Variants in FLVCR2 observed in about 807,000 individuals in gnomAD.
FLVCR2 encodes FLVCR choline and putative heme transporter 2.
Under a neutral mutation model 48.9 loss-of-function variants are expected in FLVCR2, and 38 were observed. That is an observed-to-expected ratio of 0.78 (90% CI 0.60 to 1.02). The LOEUF (loss-of-function observed/expected upper bound fraction) is 1.02, where lower values mean the gene tolerates loss of function less well. FLVCR2 is among the 50% of genes least tolerant of loss of function. The probability of loss-of-function intolerance (pLI) is 0.00; values close to 1 mark genes in which losing one functional copy is unlikely to be tolerated. For missense variants in FLVCR2, 664 were observed against 663.3 expected (o/e 1.00, Z -0.01); for synonymous variants, 255 against 257.0 (o/e 0.99, Z 0.07).
At chr14:75,588,543 C>G (rs573391481) in intron 1 of FLVCR2, among the ~76,000 whole-genome samples, 1 of 152,288 alleles carries the variant, frequency 6.6e-6, no homozygotes, top group South Asian at 2.1e-4. Flanking sequence ...AGTTCACAGA[C>G]AGCATCTTGG....
intron 1 of FLVCR2, among the ~76,000 whole-genome samples, chr14:75,602,156 G>A (rs971871696): frequency 2.0e-5 from 3 of 152,208 alleles, no homozygotes; most frequent in African/African-American, 7.2e-5. Flanking sequence ...ACCTGGATGT[G>A]CTCACCAACC....
chr14:75,632,262 C>T (rs1328146830), intron 3 of FLVCR2, among the ~76,000 whole-genome samples: 5 of 152,182 alleles, frequency 3.3e-5, no homozygotes, highest in African/African-American at 9.7e-5. Flanking sequence ...ATTTGACCTT[C>T]GCTTAACTTT....
At chr14:75,620,892 C>A (rs753690044) in intron 1 of FLVCR2, among the ~76,000 whole-genome samples, 39 of 152,152 alleles carry the variant, frequency 2.6e-4, no homozygotes, top group Non-Finnish European at 4.6e-4. Context: ...TGTTTCTTTA[C>A]CTGTAGCTCT....
intron 1 of FLVCR2, among the ~76,000 whole-genome samples, chr14:75,591,596 G>T (rs1888879091): frequency 6.6e-6 from 1 of 152,186 alleles, no homozygotes; most frequent in Non-Finnish European, 1.5e-5. Context: ...GTCACATGCT[G>T]CCAGTGACTT....
chr14:75,639,701 A>C (rs1890261217), intron 6 of FLVCR2, among the ~76,000 whole-genome samples: 1 of 152,128 alleles, frequency 6.6e-6, no homozygotes, highest in African/African-American at 2.4e-5. Context: ...CTTGGAGGCT[A>C]GAACCTGTTC....
rs1209372373 is a variant in FLVCR2, at chr14:75,647,577, C to G, written c.*1105C>G. The stretch of plus-strand genomic sequence containing the variant: ...AGTATTTGCACCACCAACCCCTCTC[C>G]TCACCTGCTTTGAGCGATAATCTTT... On this transcript the variant is annotated 3_prime_UTR_variant, in exon 10 of 10. Transcript: ENST00000238667. 6.6e-6 allele frequency: 1 copy of G among 152,634 alleles called. No homozygotes were observed. Among genetic ancestry groups the G allele is most frequent in the Non-Finnish European group, 1.5e-5 (1 of 68,050 alleles). The allele number at this position is 152,634 out of a possible 1,614,324, so 9.5% of individuals were successfully genotyped here.
At chr14:75,630,285 A>G (rs1890007596) in intron 3 of FLVCR2, among the ~76,000 whole-genome samples, 1 of 152,116 alleles carries the variant, frequency 6.6e-6, no homozygotes, top group Non-Finnish European at 1.5e-5. Context: ...TGGGTCTTGA[A>G]GCGCCTTCCC....
intron 5 of FLVCR2, among the ~76,000 whole-genome samples, chr14:75,637,325 C>T (rs77193756): frequency 6.6e-6 from 1 of 152,342 alleles, no homozygotes; most frequent in Non-Finnish European, 1.5e-5. Flanking sequence ...AAGTGCTTCA[C>T]AGAATCTGGC....
intron 2 of FLVCR2, among the ~76,000 whole-genome samples, chr14:75,624,046 C>T (rs149209622): frequency 0.018 from 2,787 of 151,216 alleles, 50 homozygotes; most frequent in South Asian, 0.07. Context: ...AGCGAGACTT[C>T]GTCTCAAAAA....
intron 1 of FLVCR2, among the ~76,000 whole-genome samples, chr14:75,589,750 T>C (rs951563699): frequency 1.6e-4 from 24 of 152,242 alleles, no homozygotes; most frequent in African/African-American, 5.8e-4. Context: ...TCTTGCATTA[T>C]ATGCGCCTGC....
intron 1 of FLVCR2, chr14:75,605,733 A>G: frequency 9.5e-7 from 1 of 1,049,466 alleles, no homozygotes; most frequent in Non-Finnish European, 1.4e-6. Flanking sequence ...GCTTCTCCAG[A>G]GAGGAGTTGA....
Position 75,579,591 on chromosome 14 carries a change from G to C in FLVCR2, c.619G>C (p.Gly207Arg), listed in dbSNP as rs762188421. 1.2e-6 allele frequency: 2 copies of C among 1,614,006 alleles called. No homozygotes were observed. Among genetic ancestry groups the C allele is most frequent in the East Asian group, 2.2e-5 (1 of 44,880 alleles). The change falls in exon 1 of 10, where the codon GGG becomes CGG. Residue 207 changes from glycine to arginine, a missense_variant. Gly to Arg is a moderately radical substitution (Grantham distance 125). Coordinates refer to ENST00000238667, the MANE Select transcript of FLVCR2 (RefSeq NM_017791.3). ...CTCCCGCATCGCTTCCGTCTGGTTC[G>C]GGGCTAATGAGGTTTCAACAGCCTG... Reference protein sequence around the residue: ...MPSRIASVWFGANEVSTACSV... With the variant: ...MPSRIASVWFRANEVSTACSV...
chr14:75,580,243 G>A (rs1888561549), intron 1 of FLVCR2, among the ~76,000 whole-genome samples: 1 of 152,182 alleles, frequency 6.6e-6, no homozygotes, highest in Admixed American at 6.5e-5. Context: ...GCCTAGAAAG[G>A]GTAGTTCATG....
At chr14:75,585,311 T>C (rs987001429) in intron 1 of FLVCR2, among the ~76,000 whole-genome samples, 1 of 152,186 alleles carries the variant, frequency 6.6e-6, no homozygotes, top group Non-Finnish European at 1.5e-5. Context: ...AAAAATTATC[T>C]AGATCTTGTA....
chr14:75,626,474 G>T (rs1345163954), intron 3 of FLVCR2, among the ~76,000 whole-genome samples: 2 of 151,862 alleles, frequency 1.3e-5, no homozygotes, highest in Non-Finnish European at 2.9e-5. Flanking sequence ...GGCATACATA[G>T]AAATTAGGTG....
intron 1 of FLVCR2, among the ~76,000 whole-genome samples, chr14:75,593,089 G>A (rs555018358): frequency 1.2e-4 from 18 of 152,108 alleles, no homozygotes; most frequent in African/African-American, 4.3e-4. Context: ...TCATCTTTTT[G>A]TCTTTTTCTG....
At chr14:75,579,752 G>A in intron 1 of FLVCR2, 111 bp downstream of exon 1, 1 of 1,227,716 alleles carries the variant, frequency 8.1e-7, no homozygotes. Context: ...TGTGACTCTG[G>A]GTGACAGTAA....
intron 1 of FLVCR2, among the ~76,000 whole-genome samples, chr14:75,598,755 C>A (rs1395279492): frequency 2.0e-5 from 3 of 152,260 alleles, no homozygotes; most frequent in South Asian, 2.1e-4. Flanking sequence ...GGATTACAGG[C>A]ATGAGCTATC....
At chr14:75,640,773 C>A in intron 6 of FLVCR2, 182 bp from the exon 7 acceptor site, 1 of 649,702 alleles carries the variant, frequency 1.5e-6, no homozygotes, top group Non-Finnish European at 2.8e-6. Flanking sequence ...TCTTCCTGGC[C>A]TTCAGGGGTG....
Sources: allele counts gnomAD v4.1 joint callset (sites outside exome capture counted in the v4.1 genomes callset), GRCh38; gene constraint gnomAD v4.1.1; transcripts MANE v1.5; gene names NCBI Gene and HGNC (gene_info 2026-07-23, HGNC 2026-07-21).